Variants in HS3ST3A1 observed in about 807,000 individuals in gnomAD.
The protein encoded by HS3ST3A1 is heparan sulfate-glucosamine 3-sulfotransferase 3A1.
In HS3ST3A1, 19 loss-of-function variants were observed where a neutral mutation model predicts 25.7. That is an observed-to-expected ratio of 0.74 (90% CI 0.52 to 1.08). The LOEUF is 1.08. HS3ST3A1 is among the 50% of genes least tolerant of loss of function. The pLI is 0.00. For missense variants in HS3ST3A1, 459 were observed against 594.3 expected (o/e 0.77, Z 2.37); for synonymous variants, 226 against 278.6 (o/e 0.81, Z 1.88).
chr17:13,578,393 CAAAAAAAAAAA>C (rs397960321), intron 1 of HS3ST3A1, among the ~76,000 whole-genome samples: 2 of 94,928 alleles, frequency 2.1e-5, no homozygotes, highest in African/African-American at 7.3e-5. Context: ...TACAAAAATA[CAAAAAAAAAAA>C]AAAAAAAAAT....
At chr17:13,566,345 T>C (rs1907674615) in intron 1 of HS3ST3A1, among the ~76,000 whole-genome samples, 1 of 152,192 alleles carries the variant, frequency 6.6e-6, no homozygotes, top group Admixed American at 6.5e-5. Flanking sequence ...TAAATGTGTG[T>C]GTACTGACTG....
At chr17:13,521,241 C>T (rs903440320) in intron 1 of HS3ST3A1, among the ~76,000 whole-genome samples, 9 of 152,190 alleles carry the variant, frequency 5.9e-5, no homozygotes, top group Non-Finnish European at 1.2e-4. Flanking sequence ...TTTTGAGGGG[C>T]ACAAAAACTG....
chr17:13,577,317 G>A (rs1907970016), intron 1 of HS3ST3A1, among the ~76,000 whole-genome samples: 1 of 152,158 alleles, frequency 6.6e-6, no homozygotes, highest in Admixed American at 6.5e-5. Flanking sequence ...GAGTCTGCCT[G>A]GCCAGGACTG....
At chr17:13,543,189 A>G (rs757814177) in intron 1 of HS3ST3A1, among the ~76,000 whole-genome samples, 1 of 152,182 alleles carries the variant, frequency 6.6e-6, no homozygotes, top group African/African-American at 2.4e-5. Flanking sequence ...GCGTTCATGG[A>G]AAACCCCAAT....
intron 1 of HS3ST3A1, among the ~76,000 whole-genome samples, chr17:13,574,562 C>CA (rs1907901475): frequency 1.3e-5 from 2 of 150,896 alleles, no homozygotes; most frequent in Admixed American, 6.6e-5. Context: ...ACTAAAAGTA[C>CA]AAAAAATTAG....
intron 1 of HS3ST3A1, among the ~76,000 whole-genome samples, chr17:13,526,516 T>TATATA (rs1567614552): frequency 1.5e-4 from 13 of 85,496 alleles, no homozygotes; most frequent in African/African-American, 5.2e-4. Flanking sequence ...ATATATATAT[T>TATATA]ATTGGGTTGG....
intron 1 of HS3ST3A1, among the ~76,000 whole-genome samples, chr17:13,517,315 C>T (rs1906088766): frequency 6.6e-6 from 1 of 152,054 alleles, no homozygotes; most frequent in African/African-American, 2.4e-5. Context: ...CTACCTTGGC[C>T]AAGCATCCTA....
chr17:13,563,653 C>G (rs1289225652), intron 1 of HS3ST3A1, among the ~76,000 whole-genome samples: 2 of 152,162 alleles, frequency 1.3e-5, no homozygotes, highest in African/African-American at 4.8e-5. Context: ...CTCTGGGAAT[C>G]ACTAAGTCAA....
intron 1 of HS3ST3A1, among the ~76,000 whole-genome samples, chr17:13,539,686 C>G (rs1178181627): frequency 6.6e-6 from 1 of 151,936 alleles, no homozygotes; most frequent in African/African-American, 2.4e-5. Flanking sequence ...GAAGACAAAA[C>G]ACCTTATTTA....
At chr17:13,559,377 C>T (rs1234803275) in intron 1 of HS3ST3A1, among the ~76,000 whole-genome samples, 3 of 151,968 alleles carry the variant, frequency 2.0e-5, no homozygotes, top group Non-Finnish European at 4.4e-5. Context: ...AACTCTACTT[C>T]TACACTCTTC....
chr17:13,569,072 C>T (rs536757643), intron 1 of HS3ST3A1, among the ~76,000 whole-genome samples: 1 of 152,096 alleles, frequency 6.6e-6, no homozygotes, highest in Non-Finnish European at 1.5e-5. Context: ...GAGCATGGAG[C>T]GTGTCAAGAT....
intron 1 of HS3ST3A1, among the ~76,000 whole-genome samples, chr17:13,576,060 A>G (rs1023357522): frequency 6.6e-6 from 1 of 152,230 alleles, no homozygotes; most frequent in Non-Finnish European, 1.5e-5. Flanking sequence ...CTTGAGTTTT[A>G]ATCAGCTCTC....
intron 1 of HS3ST3A1, among the ~76,000 whole-genome samples, chr17:13,539,536 C>T (rs142143054): frequency 1.1e-3 from 173 of 152,256 alleles, no homozygotes; most frequent in Middle Eastern, 0.01. Context: ...AACATCACTG[C>T]GTGTTTGTTA....
rs545170962 is a variant in HS3ST3A1 at position 13,565,868 on chromosome 17, T to C, written c.599+34663A>G. ...CACGTTCTGTCCTCTGGAAGTTTTA[T>C]TAAATGCATTTTGGACCTAGTAAGT... On this transcript the variant is annotated intron_variant, in intron 1 of 1. Coordinates refer to ENST00000284110, the MANE Select transcript of HS3ST3A1 (RefSeq NM_006042.3). 2.0e-5 allele frequency among the ~76,000 whole-genome samples: 3 copies of C among 152,352 alleles called. No individual in the cohort carries two copies. The East Asian group carries it at 5.8e-4, about 29-fold the overall frequency.
chr17:13,533,182 T>A (rs1341480926), intron 1 of HS3ST3A1, among the ~76,000 whole-genome samples: 2 of 152,122 alleles, frequency 1.3e-5, no homozygotes, highest in Non-Finnish European at 2.9e-5. Context: ...ATATATATAG[T>A]CAAGTTAGGC....
intron 1 of HS3ST3A1, among the ~76,000 whole-genome samples, chr17:13,538,162 T>C (rs941882225): frequency 1.3e-5 from 2 of 152,234 alleles, no homozygotes; most frequent in Non-Finnish European, 1.5e-5. Flanking sequence ...TACTACTTAA[T>C]GGTTAAACAT....
At chr17:13,556,848 C>A (rs9898944) in intron 1 of HS3ST3A1, among the ~76,000 whole-genome samples, 1 of 145,454 alleles carries the variant, frequency 6.9e-6, no homozygotes, top group Non-Finnish European at 1.5e-5. Context: ...CGAAACTCCG[C>A]CTAAAAAAAA....
At chr17:13,586,848 C>T (rs57509418) in intron 1 of HS3ST3A1, among the ~76,000 whole-genome samples, 1 of 100,988 alleles carries the variant, frequency 9.9e-6, no homozygotes, top group African/African-American at 4.5e-5. Flanking sequence ...CCAGCCTGGG[C>T]GACAGAGAGA....
intron 1 of HS3ST3A1, among the ~76,000 whole-genome samples, chr17:13,523,358 A>G (rs960737737): frequency 3.3e-5 from 5 of 152,204 alleles, no homozygotes; most frequent in African/African-American, 1.2e-4. Context: ...TAACGTAGTA[A>G]TGGGTAAGAC....
Sources: allele counts gnomAD v4.1 joint callset (sites outside exome capture counted in the v4.1 genomes callset), GRCh38; gene constraint gnomAD v4.1.1; transcripts MANE v1.5; gene names NCBI Gene and HGNC (gene_info 2026-07-23, HGNC 2026-07-21).